MACF1: variants seen among roughly 807,000 people sequenced by gnomAD.
The protein encoded by MACF1 is microtubule actin crosslinking factor 1.
MACF1 carries 193 observed loss-of-function variants against 854.8 expected under a neutral mutation model. That is an observed-to-expected ratio of 0.23 (90% CI 0.20 to 0.25). The LOEUF (loss-of-function observed/expected upper bound fraction) is 0.25, where lower values mean the gene tolerates loss of function less well. Ranked by LOEUF, MACF1 falls within the 10% of genes least tolerant of loss-of-function variation. MACF1 has a pLI of 1.00. For synonymous variants in MACF1, 3,185 were observed against 3,226.7 expected, an observed-to-expected ratio of 0.99 and a Z score of 0.44; for missense variants, 7,722 against 8,929.1, an observed-to-expected ratio of 0.86 and a Z score of 5.45.
At chr1:39,274,690 T>C (rs1645399558) in intron 6 of MACF1, among the ~76,000 whole-genome samples, 1 of 152,160 alleles carries the variant, frequency 6.6e-6, no homozygotes, top group African/African-American at 2.4e-5. Context: ...TACTATCCTA[T>C]AGATAAAGTG....
intron 2 of MACF1, among the ~76,000 whole-genome samples, chr1:39,179,671 C>G (rs1370442013): frequency 6.6e-6 from 1 of 152,012 alleles, no homozygotes; most frequent in Non-Finnish European, 1.5e-5. Context: ...TCTCGGTTAG[C>G]CTTTTGCCTG....
chr1:39,397,267 T>C (rs1320882666), intron 58 of MACF1, among the ~76,000 whole-genome samples: 4 of 152,092 alleles, frequency 2.6e-5, no homozygotes, highest in Non-Finnish European at 4.4e-5. Context: ...ATGCATTTAA[T>C]GTACCTACTG....
chr1:39,285,652 G>A lies in MACF1; in HGVS notation c.1402G>A (p.Val468Ile), dbSNP rs1438480140. The change falls in exon 14 of 101, where the codon GTC (valine) becomes ATC (isoleucine). Residue 468 changes from valine (V) to isoleucine (I), a missense_variant. Physicochemically the swap from Val to Ile is conservative, Grantham distance 29 (BLOSUM62 3). Coordinates refer to ENST00000564288, the MANE Select transcript of MACF1 (RefSeq NM_001394062.1). Reference protein sequence around the residue: ...SGQPVQCESDVIMYIQECEGL... With the variant: ...SGQPVQCESDIIMYIQECEGL... ...ACAACCGGTACAATGTGAGTCAGAT[G>A]TCATTATGTACATTCAGGAGTGTGA... 2 of 1,614,088 alleles carry A rather than the reference G, an allele frequency of 1.2e-6. No homozygotes were observed. Among genetic ancestry groups the A allele is most frequent in the Admixed American group, 1.7e-5 (1 of 60,016 alleles).
At position 39,350,833 on chromosome 1, in the gene MACF1, G is replaced by T; in HGVS notation, c.11014G>T (p.Val3672Phe). The change falls in exon 43 of 101, where the codon GTC (valine) becomes TTC (phenylalanine). Residue 3672 changes from valine to phenylalanine, a missense_variant. Transcript: ENST00000564288. ...QNRATSFATV[V>F]KDIEGFMEEN... ...TCGTGCCACCTCATTTGCCACTGTT[G>T]TCAAGGACATTGAGGGGTTCATGGA... 6.2e-7 allele frequency: 1 copy of T among 1,614,030 alleles called. No homozygotes were observed. Among genetic ancestry groups the T allele is most frequent in the Non-Finnish European group, 8.5e-7 (1 of 1,179,958 alleles).
Position 39,315,690 on chromosome 1 carries a change from A to C in MACF1, c.3448A>C (p.Lys1150Gln). The C allele has an allele frequency of 6.2e-7, 1 of 1,613,274 alleles. No homozygotes were observed. The highest frequency in any genetic ancestry group is 8.5e-7 in the Non-Finnish European group (1 of 1,179,688). The change falls in exon 27 of 101, where the codon AAG becomes CAG. Residue 1150 changes from lysine (K) to glutamine (Q), a missense_variant and splice_region_variant. Coordinates refer to ENST00000564288, the MANE Select transcript of MACF1 (RefSeq NM_001394062.1). The stretch of plus-strand genomic sequence containing the variant: ...TGGTCTCTCTACTGTATATCTGAAT[A>C]AGTGAGTGAGCTGAGGTTTTGGGTC... ...VYGLSTVYLN[K>Q]LKTVDVIVRS...
chr1:39,338,393 T>G (rs1393801436), intron 38 of MACF1, among the ~76,000 whole-genome samples: 3 of 152,004 alleles, frequency 2.0e-5, no homozygotes, highest in Non-Finnish European at 4.4e-5. Flanking sequence ...GATCCTCAAC[T>G]TAAAGTGGAG....
chr1:39,419,980 TG>T (rs530783427), intron 58 of MACF1, among the ~76,000 whole-genome samples: 124 of 152,366 alleles, frequency 8.1e-4, no homozygotes, highest in Non-Finnish European at 1.4e-3. Context: ...TTTACTTTTC[TG>T]TGTCATTTAA....
At chr1:39,470,366 T>A (rs1644752954) in intron 97 of MACF1, among the ~76,000 whole-genome samples, 1 of 152,122 alleles carries the variant, frequency 6.6e-6, no homozygotes, top group African/African-American at 2.4e-5. Flanking sequence ...TTTAAAAAAA[T>A]TGGGGCCAGG....
intron 2 of MACF1, among the ~76,000 whole-genome samples, chr1:39,234,081 T>C (rs1051691515): frequency 2.7e-5 from 4 of 147,160 alleles, no homozygotes; most frequent in African/African-American, 5.0e-5. Context: ...ACACAGCACA[T>C]GTTTCAGAGA....
At chr1:39,346,945 T>G in intron 40 of MACF1, 32 bp from the exon 41 acceptor site, 8 of 1,409,600 alleles carry the variant, frequency 5.7e-6, no homozygotes, top group South Asian at 1.2e-5. Context: ...CATGGTTTTT[T>G]GTGTTTTGTT....
intron 2 of MACF1, among the ~76,000 whole-genome samples, chr1:39,109,173 A>G (rs914633709): frequency 2.0e-5 from 3 of 152,170 alleles, no homozygotes; most frequent in Non-Finnish European, 4.4e-5. Flanking sequence ...TGGGTTTCTC[A>G]TCTGTTAAAA....
At chr1:39,175,610 T>C (rs1644012149) in intron 2 of MACF1, among the ~76,000 whole-genome samples, 1 of 152,178 alleles carries the variant, frequency 6.6e-6, no homozygotes, top group Admixed American at 6.5e-5. Context: ...GTGATTGTAT[T>C]TTATCCTTCT....
At chr1:39,224,199 CAT>C (rs942293794) in intron 1 of MACF1, among the ~76,000 whole-genome samples, 16 of 152,148 alleles carry the variant, frequency 1.1e-4, no homozygotes, top group African/African-American at 3.9e-4. Context: ...CCCATACACA[CAT>C]GACACAAAAC....
chr1:39,326,283 A>C (rs1470891956), intron 35 of MACF1, among the ~76,000 whole-genome samples: 1 of 152,228 alleles, frequency 6.6e-6, no homozygotes, highest in African/African-American at 2.4e-5. Flanking sequence ...GGGATTCATC[A>C]GATTCAAGAG....
intron 54 of MACF1, among the ~76,000 whole-genome samples, chr1:39,380,025 A>G (rs975337922): frequency 6.6e-6 from 1 of 152,214 alleles, no homozygotes; most frequent in Non-Finnish European, 1.5e-5. Context: ...CTACTGATGT[A>G]TTATACATAA....
chr1:39,138,709 C>T (rs1195274599), intron 2 of MACF1, among the ~76,000 whole-genome samples: 2 of 151,646 alleles, frequency 1.3e-5, no homozygotes, highest in South Asian at 2.1e-4. Context: ...CTGTCACCCA[C>T]GCTGTAGTGC....
intron 2 of MACF1, among the ~76,000 whole-genome samples, chr1:39,169,178 G>A (rs191242710): frequency 1.3e-5 from 2 of 152,200 alleles, no homozygotes; most frequent in Non-Finnish European, 2.9e-5. Flanking sequence ...TTATCACTTT[G>A]TACCTGAATT....
intron 35 of MACF1, 37 bp downstream of exon 35, chr1:39,324,771 C>T (rs192101496): frequency 6.8e-7 from 1 of 1,461,350 alleles, no homozygotes; most frequent in Admixed American, 1.7e-5. Flanking sequence ...ACATCTGGGG[C>T]ACCTGGTCTA....
chr1:39,280,529 T>C (rs186601460), intron 6 of MACF1, among the ~76,000 whole-genome samples: 104 of 152,294 alleles, frequency 6.8e-4, no homozygotes, highest in African/African-American at 2.4e-3. Context: ...GAGATAAGAT[T>C]AAATATATGA....
Sources: allele counts gnomAD v4.1 joint callset (sites outside exome capture counted in the v4.1 genomes callset), GRCh38; gene constraint gnomAD v4.1.1; transcripts MANE v1.5; gene names NCBI Gene and HGNC (gene_info 2026-07-23, HGNC 2026-07-21).